The following PCDH15 variants were observed in gnomAD, a reference collection of about 807,000 sequenced individuals.
PCDH15 encodes protocadherin related 15.
A neutral mutation model predicts 178.5 loss-of-function variants in PCDH15; 129 were observed. The ratio of observed to expected loss-of-function variants is 0.72; its 90% CI spans 0.63 to 0.84. PCDH15 has a LOEUF of 0.84. Among genes scored for constraint, PCDH15 ranks in the 40% least tolerant of loss-of-function variants. The pLI is 0.00. For missense variants in PCDH15, 2,230 were observed against 2,099.9 expected, an observed-to-expected ratio of 1.06 and a Z score of -1.21; for synonymous variants, 800 against 732.0, an observed-to-expected ratio of 1.09 and a Z score of -1.50.
chr10:54,327,714 C>A (rs965266), intron 7 of PCDH15, among the ~76,000 whole-genome samples: 99,621 of 151,390 alleles, frequency 0.66, 33,605 homozygotes, highest in Middle Eastern at 0.81. Flanking sequence ...GGTTATTTTC[C>A]TTTTAGCATC....
intron 23 of PCDH15, among the ~76,000 whole-genome samples, chr10:53,954,265 A>G (rs2087387504): frequency 6.6e-6 from 1 of 152,174 alleles, no homozygotes; most frequent in South Asian, 2.1e-4. Context: ...GTAAATATTA[A>G]AGTACTTACT....
intron 33 of PCDH15, 92 bp downstream of exon 33, chr10:53,820,073 G>T (rs1268822203): frequency 5.1e-6 from 2 of 395,084 alleles, no homozygotes; most frequent in Non-Finnish European, 8.9e-6. Context: ...GATTTATCAA[G>T]AAATTATAAA....
chr10:55,301,134 A>C (rs973836432), intron 1 of PCDH15, among the ~76,000 whole-genome samples: 9 of 152,162 alleles, frequency 5.9e-5, no homozygotes, highest in African/African-American at 2.2e-4. Context: ...GGAGTGCTGT[A>C]ATGTATCATA....
At chr10:54,825,644 A>T (rs191701343) in intron 3 of PCDH15, among the ~76,000 whole-genome samples, 3 of 150,770 alleles carry the variant, frequency 2.0e-5, no homozygotes, top group African/African-American at 2.4e-5. Context: ...GCATTTTTTC[A>T]TGTGTTTTTT....
In PCDH15 at chr10:54,669,146, A is replaced by C. The variant is rs554349321; in HGVS notation, c.-28-4856T>G. ...ATGACTAGAGAGAAACCTGTCTTCTACCTCAGCATGGTGGTAAATATTAAT... is the reference window on the plus strand; with the variant it reads ...ATGACTAGAGAGAAACCTGTCTTCTCCCTCAGCATGGTGGTAAATATTAAT... On this transcript the variant is annotated intron_variant, in intron 1 of 37. Transcript: ENST00000644397. Among the ~76,000 whole-genome samples, 80 of 152,250 alleles carry C rather than the reference A, an allele frequency of 5.3e-4. 1 individual carries two copies. Among genetic ancestry groups the C allele is most frequent in the Non-Finnish European group, 9.4e-4 (64 of 68,022 alleles).
intron 37 of PCDH15, chr10:53,809,659 T>A: frequency 1.0e-6 from 1 of 985,814 alleles, no homozygotes; most frequent in Non-Finnish European, 1.5e-6. Context: ...TCATGCATGT[T>A]ATATAACTGG....
chr10:53,868,609 T>A (rs1386001283), intron 26 of PCDH15, among the ~76,000 whole-genome samples: 1 of 152,124 alleles, frequency 6.6e-6, no homozygotes, highest in Non-Finnish European at 1.5e-5. Flanking sequence ...ACATAATAAG[T>A]AGTAAAGTTG....
chr10:53,838,816 G>A (rs2077461680), intron 29 of PCDH15, among the ~76,000 whole-genome samples: 1 of 152,038 alleles, frequency 6.6e-6, no homozygotes, highest in Non-Finnish European at 1.5e-5. Context: ...TTTTGGTGGT[G>A]ACTATAAAAT....
chr10:55,254,062 T>C (rs929459566), intron 1 of PCDH15, among the ~76,000 whole-genome samples: 1 of 152,196 alleles, frequency 6.6e-6, no homozygotes, highest in African/African-American at 2.4e-5. Context: ...TACTTGATTG[T>C]TACTGGTAGA....
chr10:55,222,710 T>TACACACACAC (rs374141989), intron 1 of PCDH15, among the ~76,000 whole-genome samples: 628 of 41,994 alleles, frequency 0.015, 22 homozygotes, highest in African/African-American at 0.049. Flanking sequence ...TATATCTTTA[T>TACACACACAC]ACACACACAC....
At chr10:54,946,932 A>G (rs1376348964) in intron 2 of PCDH15, among the ~76,000 whole-genome samples, 1 of 151,936 alleles carries the variant, frequency 6.6e-6, no homozygotes, top group Admixed American at 6.6e-5. Flanking sequence ...TGTGTATAAT[A>G]AGGTACATCT....
At chr10:54,549,725 T>C (rs2086326216) in intron 2 of PCDH15, among the ~76,000 whole-genome samples, 1 of 151,888 alleles carries the variant, frequency 6.6e-6, no homozygotes, top group African/African-American at 2.4e-5. Flanking sequence ...AGTATCTTAT[T>C]GAGATAGGAT....
intron 6 of PCDH15, among the ~76,000 whole-genome samples, chr10:54,331,378 G>A (rs1408488130): frequency 6.6e-6 from 1 of 151,796 alleles, no homozygotes; most frequent in Non-Finnish European, 1.5e-5. Context: ...TGCTCCTCAT[G>A]TAATGGGCCT....
chr10:55,307,113 T>C (rs962144398), intron 1 of PCDH15, among the ~76,000 whole-genome samples: 7 of 152,024 alleles, frequency 4.6e-5, no homozygotes, highest in Non-Finnish European at 1.0e-4. Context: ...ATATGTATTT[T>C]ATATATAACT....
At chr10:54,753,692 C>A (rs1211339396) in intron 1 of PCDH15, among the ~76,000 whole-genome samples, 1 of 152,050 alleles carries the variant, frequency 6.6e-6, no homozygotes. Flanking sequence ...AATCCTAAAG[C>A]ACTTCTATAT....
intron 25 of PCDH15, among the ~76,000 whole-genome samples, chr10:53,930,373 G>T (rs1251126557): frequency 7.0e-6 from 1 of 143,098 alleles, no homozygotes; most frequent in Non-Finnish European, 1.5e-5. Context: ...CAGGAGAATG[G>T]CATGAACCTG....
At chr10:55,432,892 G>A (rs1408383192) in intron 2 of PCDH15, among the ~76,000 whole-genome samples, 1 of 151,816 alleles carries the variant, frequency 6.6e-6, no homozygotes, top group African/African-American at 2.4e-5. Flanking sequence ...CCAAAGCGCT[G>A]GGATTACAGG....
intron 2 of PCDH15, among the ~76,000 whole-genome samples, chr10:55,011,839 C>G (rs1249935422): frequency 6.6e-6 from 1 of 151,958 alleles, no homozygotes; most frequent in Admixed American, 6.6e-5. Flanking sequence ...TACAGATTAA[C>G]TCAAAAAATG....
chr10:55,225,205 G>C lies in PCDH15; in HGVS notation c.-155-58554C>G, dbSNP rs141785470. On this transcript the variant is annotated intron_variant, in intron 1 of 5. Coordinates refer to the PCDH15 transcript ENST00000458638. ...TAACAAAAGTACGTAACAAATAAAT[G>C]AACAAGCAACATCTAATTTCCCCAA... Among the ~76,000 whole-genome samples, 26 of 151,888 alleles carry C rather than the reference G, an allele frequency of 1.7e-4. No individual in the cohort carries two copies. In the East Asian group the frequency reaches 5.0e-3, roughly 29 times the overall value.
Sources: gnomAD v4.1 joint callset for allele counts (sites outside exome capture counted in the v4.1 genomes callset) on GRCh38, gnomAD v4.1.1 for gene constraint, MANE v1.5 for transcripts, NCBI Gene and HGNC (gene_info 2026-07-23, HGNC 2026-07-21) for gene names.